GMDS: variants seen among roughly 807,000 people sequenced by gnomAD.
GMDS encodes GDP-mannose 4,6 dehydratase.
Under a neutral mutation model 49.9 loss-of-function variants are expected in GMDS, and 20 were observed. That is an observed-to-expected ratio of 0.40 (90% CI 0.28 to 0.58). GMDS has a LOEUF of 0.58. Among genes scored for constraint, GMDS ranks in the 20% least tolerant of loss-of-function variants. The probability of loss-of-function intolerance (pLI) is 0.42; values close to 1 mark genes in which losing one functional copy is unlikely to be tolerated. For missense variants in GMDS, 362 were observed against 481.4 expected (o/e 0.75, Z 2.32); for synonymous variants, 177 against 178.6 (o/e 0.99, Z 0.07).
intron 7 of GMDS, among the ~76,000 whole-genome samples, chr6:1,861,789 A>G (rs754493942): frequency 6.6e-6 from 1 of 152,196 alleles, no homozygotes; most frequent in Non-Finnish European, 1.5e-5. Context: ...AATGCACTTT[A>G]GTCCCCAGTC....
chr6:2,096,643 G>A (rs567436027), intron 4 of GMDS, among the ~76,000 whole-genome samples: 105 of 152,206 alleles, frequency 6.9e-4, no homozygotes, highest in African/African-American at 2.3e-3. Flanking sequence ...TCTTTAGCTG[G>A]GAAGTCCACA....
chr6:1,683,188 A>G (rs1253501322), intron 9 of GMDS, among the ~76,000 whole-genome samples: 2 of 152,080 alleles, frequency 1.3e-5, no homozygotes, highest in Non-Finnish European at 2.9e-5. Context: ...CAGTGGTGCA[A>G]TCTCGGCTCA....
intron 9 of GMDS, chr6:1,679,100 C>G (rs886600846): frequency 1.3e-5 from 2 of 152,210 alleles, no homozygotes; most frequent in African/African-American, 4.8e-5. Context: ...ACAGTTGTTA[C>G]GCACACAATG....
intron 7 of GMDS, among the ~76,000 whole-genome samples, chr6:1,826,932 T>C (rs1217935623): frequency 6.6e-6 from 1 of 151,952 alleles, no homozygotes; most frequent in Non-Finnish European, 1.5e-5. Context: ...CCAGGCACAG[T>C]GGCATGTACC....
At chr6:1,801,758 G>A (rs1200237455) in intron 7 of GMDS, among the ~76,000 whole-genome samples, 1 of 152,226 alleles carries the variant, frequency 6.6e-6, no homozygotes, top group East Asian at 1.9e-4. Context: ...GCCATAGAGG[G>A]TAGAAAAGAA....
intron 6 of GMDS, among the ~76,000 whole-genome samples, chr6:1,932,281 T>C (rs1226583330): frequency 6.6e-6 from 1 of 152,180 alleles, no homozygotes; most frequent in Non-Finnish European, 1.5e-5. Context: ...CTGAGCTCTT[T>C]AGATGGGGTA....
At chr6:1,736,770 T>C (rs1767014614) in intron 8 of GMDS, among the ~76,000 whole-genome samples, 2 of 152,210 alleles carry the variant, frequency 1.3e-5, no homozygotes, top group African/African-American at 4.8e-5. Flanking sequence ...ACTTTGCCCC[T>C]ACATAGAACC....
chr6:2,112,156 A>G (rs1774584151), intron 4 of GMDS, among the ~76,000 whole-genome samples: 1 of 152,262 alleles, frequency 6.6e-6, no homozygotes, highest in Admixed American at 6.5e-5. Flanking sequence ...CTTGAGAAGT[A>G]TTTATTATCT....
intron 7 of GMDS, among the ~76,000 whole-genome samples, chr6:1,848,881 A>G (rs1159989883): frequency 2.0e-5 from 3 of 152,208 alleles, no homozygotes; most frequent in South Asian, 2.1e-4. Flanking sequence ...CTACTAGCAC[A>G]GTTTTTCAGC....
Position 2,177,687 on chromosome 6 carries a change from C to T in GMDS, c.103-52956G>A, listed in dbSNP as rs1385828485. Among the ~76,000 whole-genome samples, 4 of 152,116 alleles carry T rather than the reference C, an allele frequency of 2.6e-5. No homozygotes were observed. In the East Asian group the frequency reaches 5.8e-4, roughly 22 times the overall value. ...CTCAAAACACTAGGCATCAAAGGAACGTGCCTAAAAATAATAAGAACCATG... is the reference window on the plus strand; with the variant it reads ...CTCAAAACACTAGGCATCAAAGGAATGTGCCTAAAAATAATAAGAACCATG... On this transcript the variant is annotated intron_variant, in intron 1 of 10. Coordinates refer to ENST00000380815, the MANE Select transcript of GMDS (RefSeq NM_001500.4).
intron 7 of GMDS, among the ~76,000 whole-genome samples, chr6:1,866,009 G>T (rs1046836938): frequency 3.3e-5 from 5 of 152,202 alleles, no homozygotes; most frequent in African/African-American, 1.2e-4. Flanking sequence ...TTATGGTGGT[G>T]CATAATTTAC....
intron 4 of GMDS, among the ~76,000 whole-genome samples, chr6:2,110,186 C>A (rs991085527): frequency 2.0e-5 from 3 of 152,068 alleles, no homozygotes; most frequent in Non-Finnish European, 4.4e-5. Flanking sequence ...CACCTTTCAC[C>A]AACCGCCCTT....
intron 6 of GMDS, among the ~76,000 whole-genome samples, chr6:1,936,976 A>C (rs1434062429): frequency 6.6e-6 from 1 of 152,062 alleles, no homozygotes; most frequent in African/African-American, 2.4e-5. Flanking sequence ...CAAAAAAAAA[A>C]AAAAAAAAAT....
chr6:1,689,160 T>C lies in GMDS; in HGVS notation c.987+37256A>G, dbSNP rs886449599. On this transcript the variant is annotated intron_variant, in intron 9 of 10. Transcript: ENST00000380815. ...TGTGTCAGATATATATTTTTAACCA[T>C]GGTAGAGTTGCAGGAGGAATGGCCT... Among the ~76,000 whole-genome samples the C allele has an allele frequency of 4.6e-5, 7 of 152,308 alleles. No homozygotes were observed. The South Asian group carries it at 1.4e-3, about 32-fold the overall frequency.
intron 9 of GMDS, among the ~76,000 whole-genome samples, chr6:1,633,829 T>C (rs568549760): frequency 2.0e-5 from 3 of 151,826 alleles, no homozygotes; most frequent in Non-Finnish European, 2.9e-5. Context: ...AGCCCAGGCC[T>C]TTCCCAGCAA....
In GMDS at chr6:2,177,194, G is replaced by C. The variant is rs137973496; in HGVS notation, c.103-52463C>G. ...GAAGGGATGAAGGTACTTCACCTAA[G>C]GGCAGACTTAATCTCAATGAAGTGG... On this transcript the variant is annotated intron_variant, in intron 1 of 10. Transcript: ENST00000380815. Among the ~76,000 whole-genome samples, 65 of 152,220 alleles carry C rather than the reference G, an allele frequency of 4.3e-4. No individual in the cohort carries two copies. In the East Asian group the frequency reaches 8.5e-3, roughly 20 times the overall value.
At chr6:1,962,752 T>C (rs1294193347) in intron 4 of GMDS, among the ~76,000 whole-genome samples, 1 of 151,856 alleles carries the variant, frequency 6.6e-6, no homozygotes, top group East Asian at 1.9e-4. Flanking sequence ...TGTAAAAGTT[T>C]ATATATATAT....
intron 4 of GMDS, among the ~76,000 whole-genome samples, chr6:2,057,601 T>G (rs1770854071): frequency 1.3e-5 from 2 of 152,182 alleles, no homozygotes. Context: ...AAACACAAAT[T>G]AAACTGCATC....
intron 1 of GMDS, among the ~76,000 whole-genome samples, chr6:2,179,531 G>A (rs1333732349): frequency 3.9e-5 from 6 of 152,260 alleles, no homozygotes; most frequent in East Asian, 3.9e-4. Context: ...GTTCTCCCAC[G>A]TGAGAACATC....
Sources: gnomAD v4.1 joint callset for allele counts (sites outside exome capture counted in the v4.1 genomes callset) on GRCh38, gnomAD v4.1.1 for gene constraint, MANE v1.5 for transcripts, NCBI Gene and HGNC (gene_info 2026-07-23, HGNC 2026-07-21) for gene names.